NR3C1: variants seen among roughly 807,000 people sequenced by gnomAD.
NR3C1 encodes the protein nuclear receptor subfamily 3 group C member 1.
In NR3C1, 14 loss-of-function variants were observed where a neutral mutation model predicts 74.0. The observed-to-expected ratio is 0.19, with a 90% CI of 0.12 to 0.30. The LOEUF is 0.30. Among genes scored for constraint, NR3C1 ranks in the 10% least tolerant of loss-of-function variants. The pLI, the probability that NR3C1 is intolerant of heterozygous loss-of-function variation, is 1.00. For synonymous variants in NR3C1, 308 were observed against 332.5 expected, an observed-to-expected ratio of 0.93 and a Z score of 0.80; for missense variants, 695 against 909.8, an observed-to-expected ratio of 0.76 and a Z score of 3.04.
intron 2 of NR3C1, among the ~76,000 whole-genome samples, chr5:143,354,480 C>T (rs1376645826): frequency 6.6e-6 from 1 of 152,062 alleles, no homozygotes; most frequent in Non-Finnish European, 1.5e-5. Context: ...TATTAATTAG[C>T]TTAATTTTAA....
intron 2 of NR3C1, among the ~76,000 whole-genome samples, chr5:143,366,578 A>C (rs1052117218): frequency 2.0e-5 from 3 of 152,154 alleles, no homozygotes; most frequent in Non-Finnish European, 4.4e-5. Context: ...TGACCAAGAA[A>C]AAAAAGGAGA....
chr5:143,417,059 G>T (rs954857902), intron 1 of NR3C1, among the ~76,000 whole-genome samples: 1 of 151,314 alleles, frequency 6.6e-6, no homozygotes, highest in Admixed American at 6.6e-5. Context: ...TTTTCTTTAG[G>T]GCCTAAATTA....
At chr5:143,341,867 T>C (rs1828287386) in intron 2 of NR3C1, among the ~76,000 whole-genome samples, 1 of 152,158 alleles carries the variant, frequency 6.6e-6, no homozygotes, top group Non-Finnish European at 1.5e-5. Flanking sequence ...ATATTAGTAC[T>C]ATGGGCTTAA....
At chr5:143,404,637 G>T, upstream of NR3C1, 1 of 467,912 alleles carries the variant, frequency 2.1e-6, no homozygotes, top group Non-Finnish European at 2.8e-6. Context: ...GAAGTTGCAC[G>T]CCAAATGCAA....
chr5:143,407,866 G>T (rs1453039746), upstream of NR3C1, among the ~76,000 whole-genome samples: 1 of 152,090 alleles, frequency 6.6e-6, no homozygotes, highest in Non-Finnish European at 1.5e-5. Context: ...AATAACTCTT[G>T]ATTCTAGTGC....
rs918234075 is a variant in NR3C1 at position 143,280,212 on chromosome 5, TA to T, written c.*1676del. ...ACAAAAAATATATAACATGTCATGA[TA>T]AAACAATCTCATCTAAAAATCATTC... On this transcript the variant is annotated 3_prime_UTR_variant, in exon 9 of 9. Coordinates refer to ENST00000394464, the MANE Select transcript of NR3C1 (RefSeq NM_000176.3). 6.6e-6 allele frequency: 1 copy of T among 152,634 alleles called. No individual in the cohort carries two copies. The highest frequency in any genetic ancestry group is 2.4e-5 in the African/African-American group (1 of 41,472). The allele number at this position is 152,634 out of a possible 1,614,324, so 9.5% of individuals were successfully genotyped here.
At chr5:143,327,009 C>T (rs1284232543) in intron 2 of NR3C1, among the ~76,000 whole-genome samples, 1 of 152,208 alleles carries the variant, frequency 6.6e-6, no homozygotes, top group Non-Finnish European at 1.5e-5. Flanking sequence ...CTGCTATTTA[C>T]TTAGCACTTC....
intron 2 of NR3C1, among the ~76,000 whole-genome samples, chr5:143,350,560 T>C (rs1830051179): frequency 6.6e-6 from 1 of 152,172 alleles, no homozygotes; most frequent in African/African-American, 2.4e-5. Flanking sequence ...GAGAGACCTA[T>C]AACTCATCCA....
At chr5:143,375,347 TACAAAGATACACAC>T (rs1328365956) in intron 2 of NR3C1, among the ~76,000 whole-genome samples, 4 of 152,136 alleles carry the variant, frequency 2.6e-5, no homozygotes, top group African/African-American at 9.7e-5. Context: ...TGTACACTCG[TACAAAGATACACAC>T]ACAAAGATAC....
At chr5:143,372,750 G>C (rs1834440937) in intron 2 of NR3C1, among the ~76,000 whole-genome samples, 1 of 152,104 alleles carries the variant, frequency 6.6e-6, no homozygotes, top group Non-Finnish European at 1.5e-5. Flanking sequence ...AGTGTCCCTT[G>C]TACAGTACAA....
intron 8 of NR3C1, among the ~76,000 whole-genome samples, chr5:143,282,268 A>G (rs992587232): frequency 6.6e-6 from 1 of 152,236 alleles, no homozygotes; most frequent in Non-Finnish European, 1.5e-5. Flanking sequence ...GTACCATAAT[A>G]TATGAAGGGT....
chr5:143,431,171 A>G (rs1751799565), intron 1 of NR3C1, among the ~76,000 whole-genome samples: 1 of 152,062 alleles, frequency 6.6e-6, no homozygotes, highest in African/African-American at 2.4e-5. Context: ...CTGGGTAAGA[A>G]ATGTGGCTCA....
chr5:143,316,231 A>G (rs1303840138), intron 2 of NR3C1, among the ~76,000 whole-genome samples: 1 of 152,282 alleles, frequency 6.6e-6, no homozygotes, highest in African/African-American at 2.4e-5. Context: ...TGGTGCGACA[A>G]TGTGTTGGGG....
At position 143,403,186 on chromosome 5, in the gene NR3C1, G is replaced by A. The variant is rs1840679143; in HGVS notation, c.-14+25C>T. ...CACCTCGGGGGAGCGAGCGCGCCCC[G>A]GCCCCCTCCCGCCTCGCTTCTTACC... On this transcript the variant is annotated intron_variant, in intron 1 of 8. Transcript: ENST00000394464. 8.1e-6 allele frequency: 8 copies of A among 982,936 alleles called. No individual in the cohort carries two copies. In the Admixed American group the frequency reaches 3.1e-4, roughly 39 times the overall value. The allele number at this position is 982,936 out of a possible 1,614,324, so 60.9% of individuals were successfully genotyped here.
At chr5:143,309,088 T>C (rs2151596976) in intron 4 of NR3C1, among the ~76,000 whole-genome samples, 1 of 151,634 alleles carries the variant, frequency 6.6e-6, no homozygotes, top group East Asian at 1.9e-4. Flanking sequence ...TTTTTTTTTT[T>C]TTCCAAGACG....
intron 7 of NR3C1, among the ~76,000 whole-genome samples, chr5:143,292,992 G>C (rs1261822417): frequency 6.6e-6 from 1 of 152,046 alleles, no homozygotes; most frequent in East Asian, 1.9e-4. Context: ...TTCCCTTGTG[G>C]TTTATATACA....
chr5:143,320,384 T>G (rs759515094), intron 2 of NR3C1, among the ~76,000 whole-genome samples: 1 of 152,202 alleles, frequency 6.6e-6, no homozygotes, highest in Non-Finnish European at 1.5e-5. Context: ...ATCCAAACTC[T>G]GCATCATTTA....
intron 2 of NR3C1, among the ~76,000 whole-genome samples, chr5:143,344,818 A>C (rs1175406382): frequency 6.6e-6 from 1 of 152,074 alleles, no homozygotes; most frequent in East Asian, 1.9e-4. Context: ...GGTTGTAGTG[A>C]GCTGAGATCA....
At chr5:143,403,175 G>A (rs892608310) in intron 1 of NR3C1, 36 bp downstream of exon 1, 7 of 984,000 alleles carry the variant, frequency 7.1e-6, no homozygotes, top group East Asian at 2.3e-4. Flanking sequence ...TCGGGGGAGC[G>A]AGCGCGCCCC....
Sources: gnomAD v4.1 joint callset for allele counts (sites outside exome capture counted in the v4.1 genomes callset) on GRCh38, gnomAD v4.1.1 for gene constraint, MANE v1.5 for transcripts, NCBI Gene and HGNC (gene_info 2026-07-23, HGNC 2026-07-21) for gene names.